Variants in UNC5D observed in about 807,000 individuals in gnomAD.
UNC5D encodes the protein netrin receptor UNC5D.
In UNC5D, 39 loss-of-function variants were observed where a neutral mutation model predicts 105.4. That is an observed-to-expected ratio of 0.37 (90% CI 0.29 to 0.48). The LOEUF is 0.48. UNC5D is among the 20% of genes least tolerant of loss of function. The pLI is 0.98. For missense variants in UNC5D, 991 were observed against 1,202.4 expected (o/e 0.82, Z 2.60); for synonymous variants, 452 against 450.4 (o/e 1.00, Z -0.04).
intron 2 of UNC5D, among the ~76,000 whole-genome samples, chr8:35,557,877 A>G (rs746477244): frequency 2.0e-5 from 3 of 152,086 alleles, no homozygotes; most frequent in Non-Finnish European, 2.9e-5. Context: ...CACGCATGTA[A>G]TCCCAGCACT....
chr8:35,239,523 G>A (rs1055256757), intron 1 of UNC5D, among the ~76,000 whole-genome samples: 1 of 149,818 alleles, frequency 6.7e-6, no homozygotes, highest in Admixed American at 6.7e-5. Flanking sequence ...CTAGGCTAGA[G>A]ACTCAGACAT....
At chr8:35,426,702 A>G (rs1245297103) in intron 1 of UNC5D, among the ~76,000 whole-genome samples, 1 of 152,158 alleles carries the variant, frequency 6.6e-6, no homozygotes, top group Non-Finnish European at 1.5e-5. Context: ...TTAACTTCAG[A>G]GTTTTGTTGC....
chr8:35,726,466 A>G lies in UNC5D; in HGVS notation c.1618A>G (p.Thr540Ala), dbSNP rs999011315. The change falls in exon 10 of 17, where the codon ACA becomes GCA. Residue 540 changes from threonine to alanine, a missense_variant. Physicochemically the swap from Thr to Ala is moderately conservative, Grantham distance 58 (BLOSUM62 0). Coordinates refer to ENST00000404895, the MANE Select transcript of UNC5D (RefSeq NM_080872.4). ...AAATCTGTCATCACTCCCCACAAGGACAGAACTGAGGACAACTGGTGTCTT... is the reference window on the plus strand; with the variant it reads ...AAATCTGTCATCACTCCCCACAAGGGCAGAACTGAGGACAACTGGTGTCTT... ...IQNLSSLPTR[T>A]ELRTTGVFGH... 1.9e-6 allele frequency: 3 copies of G among 1,614,142 alleles called. No individual in the cohort carries two copies. In the South Asian group the frequency reaches 3.3e-5, roughly 18 times the overall value.
intron 14 of UNC5D, among the ~76,000 whole-genome samples, chr8:35,760,960 T>G (rs1254128845): frequency 6.6e-6 from 1 of 152,176 alleles, no homozygotes; most frequent in Non-Finnish European, 1.5e-5. Flanking sequence ...CTTTTCAGAC[T>G]TATTACCTGA....
intron 1 of UNC5D, among the ~76,000 whole-genome samples, chr8:35,273,834 A>C (rs2128839350): frequency 6.6e-6 from 1 of 152,330 alleles, no homozygotes; most frequent in South Asian, 2.1e-4. Context: ...AAAGCCTGGA[A>C]AAGTTTGTTA....
At chr8:35,260,407 G>A (rs561009274) in intron 1 of UNC5D, among the ~76,000 whole-genome samples, 12 of 152,286 alleles carry the variant, frequency 7.9e-5, no homozygotes, top group Non-Finnish European at 1.2e-4. Context: ...GGCCATTTGC[G>A]TCGTCCACAA....
intron 1 of UNC5D, among the ~76,000 whole-genome samples, chr8:35,404,012 T>C (rs1804642686): frequency 6.6e-6 from 1 of 152,190 alleles, no homozygotes; most frequent in Non-Finnish European, 1.5e-5. Flanking sequence ...GCGTATTGCC[T>C]GCACTTGTTC....
At chr8:35,539,309 T>A (rs368147274) in intron 1 of UNC5D, among the ~76,000 whole-genome samples, 2 of 152,172 alleles carry the variant, frequency 1.3e-5, no homozygotes, top group Admixed American at 1.3e-4. Context: ...GTATAAACCA[T>A]AATTTTCCAT....
chr8:35,497,668 G>A (rs190600925), intron 1 of UNC5D, among the ~76,000 whole-genome samples: 49 of 152,016 alleles, frequency 3.2e-4, no homozygotes, highest in African/African-American at 1.0e-3. Context: ...AAAAAAAGAC[G>A]GGGGAATAAT....
At chr8:35,733,404 G>A (rs1829297651) in intron 11 of UNC5D, among the ~76,000 whole-genome samples, 1 of 152,166 alleles carries the variant, frequency 6.6e-6, no homozygotes, top group Non-Finnish European at 1.5e-5. Flanking sequence ...AATATCACTT[G>A]AAAACCCATT....
intron 4 of UNC5D, among the ~76,000 whole-genome samples, chr8:35,632,785 A>G (rs1022225317): frequency 6.6e-6 from 1 of 152,146 alleles, no homozygotes; most frequent in African/African-American, 2.4e-5. Context: ...GGCTCAGGCA[A>G]GGAGAGGAGT....
intron 1 of UNC5D, among the ~76,000 whole-genome samples, chr8:35,447,111 G>C (rs1807846479): frequency 6.6e-6 from 1 of 152,004 alleles, no homozygotes; most frequent in Admixed American, 6.6e-5. Flanking sequence ...CCCTGTAATA[G>C]CTTGTCTAAT....
At chr8:35,697,766 T>C (rs1391348829) in intron 7 of UNC5D, among the ~76,000 whole-genome samples, 5 of 152,180 alleles carry the variant, frequency 3.3e-5, no homozygotes, top group Admixed American at 1.3e-4. Context: ...GTAGACCCTA[T>C]GTACAGGTAA....
At chr8:35,545,869 T>C (rs1009351733) in intron 1 of UNC5D, among the ~76,000 whole-genome samples, 15 of 152,120 alleles carry the variant, frequency 9.9e-5, no homozygotes, top group Non-Finnish European at 1.2e-4. Flanking sequence ...TTTCTCATCC[T>C]CTGAACGTTA....
intron 4 of UNC5D, among the ~76,000 whole-genome samples, chr8:35,660,067 A>G (rs1824017887): frequency 6.6e-6 from 1 of 152,212 alleles, no homozygotes; most frequent in African/African-American, 2.4e-5. Flanking sequence ...TCACTATTGG[A>G]AAGTCATTCC....
At chr8:35,301,574 G>A (rs1807960935) in intron 1 of UNC5D, among the ~76,000 whole-genome samples, 1 of 152,170 alleles carries the variant, frequency 6.6e-6, no homozygotes, top group Non-Finnish European at 1.5e-5. Flanking sequence ...ATGGTAGGCT[G>A]AGGTATTTCT....
chr8:35,662,762 T>C lies in UNC5D; in HGVS notation c.571-20785T>C, dbSNP rs1824187761. On this transcript the variant is annotated intron_variant, in intron 4 of 16. Transcript: ENST00000404895. ...GTGAGGTTTTTACCACTCAGTTCCTTTAGAGCAGGAGTCCCCAGTCCCTAC... is the reference window on the plus strand; with the variant it reads ...GTGAGGTTTTTACCACTCAGTTCCTCTAGAGCAGGAGTCCCCAGTCCCTAC... Among the ~76,000 whole-genome samples the C allele has an allele frequency of 2.6e-5, 4 of 152,134 alleles. No homozygotes were observed. In the South Asian group the frequency reaches 8.3e-4, roughly 32 times the overall value.
At chr8:35,775,164 C>A (rs1045008751) in intron 16 of UNC5D, among the ~76,000 whole-genome samples, 39 of 152,230 alleles carry the variant, frequency 2.6e-4, no homozygotes, top group Non-Finnish European at 4.9e-4. Context: ...TATCGGGTAA[C>A]CCTAAGCATT....
At chr8:35,297,314 C>T (rs1485142838) in intron 1 of UNC5D, among the ~76,000 whole-genome samples, 1 of 152,104 alleles carries the variant, frequency 6.6e-6, no homozygotes, top group Non-Finnish European at 1.5e-5. Flanking sequence ...TGAATTGTAG[C>T]CTGAAAAAGC....
Sources: gnomAD v4.1 joint callset for allele counts (sites outside exome capture counted in the v4.1 genomes callset) on GRCh38, gnomAD v4.1.1 for gene constraint, MANE v1.5 for transcripts, NCBI Gene and HGNC (gene_info 2026-07-23, HGNC 2026-07-21) for gene names.